Variants in BAZ1B observed in about 807,000 individuals in gnomAD.
The protein encoded by BAZ1B is tyrosine-protein kinase BAZ1B.
Under a neutral mutation model 153.8 loss-of-function variants are expected in BAZ1B, and 22 were observed. The ratio of observed to expected loss-of-function variants is 0.14; its 90% confidence interval spans 0.10 to 0.20. BAZ1B has a LOEUF of 0.20. Ranked by LOEUF, BAZ1B falls within the 10% of genes least tolerant of loss-of-function variation. The probability of loss-of-function intolerance (pLI) is 1.00; values close to 1 mark genes in which losing one functional copy is unlikely to be tolerated. For synonymous variants in BAZ1B, 676 were observed against 633.4 expected, an observed-to-expected ratio of 1.07 and a Z score of -1.01; for missense variants, 1,325 against 1,799.3, an observed-to-expected ratio of 0.74 and a Z score of 4.77.
intron 3 of BAZ1B, among the ~76,000 whole-genome samples, chr7:73,503,361 G>C (rs139493753): frequency 1.3e-5 from 2 of 152,044 alleles, no homozygotes; most frequent in Non-Finnish European, 2.9e-5. Context: ...TACTTCCCTA[G>C]TATCTCTTCC....
intron 10 of BAZ1B, among the ~76,000 whole-genome samples, chr7:73,465,809 C>G (rs375232924): frequency 1.3e-5 from 2 of 152,154 alleles, no homozygotes; most frequent in East Asian, 3.9e-4. Context: ...CCCTTTCCCT[C>G]CAGAGAGTAA....
chr7:73,470,163 C>T (rs1788744109), intron 8 of BAZ1B, among the ~76,000 whole-genome samples, 182 bp downstream of exon 8: 1 of 152,198 alleles, frequency 6.6e-6, no homozygotes, highest in African/African-American at 2.4e-5. Flanking sequence ...ATATGTCTTA[C>T]TTAACTTTGC....
At chr7:73,465,152 C>T (rs1554570997) in intron 11 of BAZ1B, among the ~76,000 whole-genome samples, 1 of 152,164 alleles carries the variant, frequency 6.6e-6, no homozygotes, top group Non-Finnish European at 1.5e-5. Flanking sequence ...CCCATCTGGG[C>T]CTCCATCTGC....
chr7:73,515,687 G>A lies in BAZ1B; in HGVS notation c.108-4835C>T, dbSNP rs1454185051. Among the ~76,000 whole-genome samples the A allele has an allele frequency of 4.6e-5, 7 of 152,040 alleles. No homozygotes were observed. In the East Asian group the frequency reaches 5.8e-4, roughly 13 times the overall value. On this transcript the variant is annotated intron_variant, in intron 1 of 19. Coordinates refer to ENST00000339594, the MANE Select transcript of BAZ1B (RefSeq NM_032408.4). ...CAAGTAATTGGGACCACAGGCAAAC[G>A]CCAGCATGTCCAGCTAATTTTTCTA...
intron 12 of BAZ1B, chr7:73,462,458 T>A (rs781792336): frequency 7.7e-5 from 13 of 169,480 alleles, no homozygotes; most frequent in Non-Finnish European, 1.7e-4. Context: ...CACTTAAGGG[T>A]CCCTCTGAGC....
chr7:73,476,721 TA>T, intron 7 of BAZ1B, 146 bp downstream of exon 7: 2 of 1,326,208 alleles, frequency 1.5e-6, no homozygotes, highest in Non-Finnish European at 2.0e-6. Context: ...ACAGAACTAA[TA>T]AAAAATAAAA....
intron 4 of BAZ1B, among the ~76,000 whole-genome samples, chr7:73,497,874 C>T (rs1344534830): frequency 2.6e-5 from 4 of 152,092 alleles, no homozygotes; most frequent in Admixed American, 2.0e-4. Context: ...CATATTTCCA[C>T]TTCAAGACGA....
At chr7:73,490,764 C>A (rs1789606451) in intron 5 of BAZ1B, among the ~76,000 whole-genome samples, 2 of 151,818 alleles carry the variant, frequency 1.3e-5, no homozygotes, top group Admixed American at 1.3e-4. Flanking sequence ...TGCCACCACG[C>A]CCGGCTAATT....
intron 16 of BAZ1B, 134 bp from the exon 17 acceptor site, chr7:73,444,263 G>A (rs1234739654): frequency 9.6e-7 from 1 of 1,036,540 alleles, no homozygotes; most frequent in Non-Finnish European, 1.4e-6. Context: ...TGGTTTTAAG[G>A]TGCTCTTGCT....
chr7:73,453,544 T>C (rs1471355202), intron 13 of BAZ1B, among the ~76,000 whole-genome samples: 2 of 152,254 alleles, frequency 1.3e-5, no homozygotes, highest in Non-Finnish European at 2.9e-5. Flanking sequence ...GACTCTTCTG[T>C]ATTGAACTTG....
chr7:73,511,724 G>T (rs1790585815), intron 1 of BAZ1B, among the ~76,000 whole-genome samples: 1 of 151,526 alleles, frequency 6.6e-6, no homozygotes, highest in Non-Finnish European at 1.5e-5. Context: ...ACAAGTTTAA[G>T]AGTCAGTCCA....
chr7:73,486,200 G>C, intron 6 of BAZ1B, among the ~76,000 whole-genome samples: 1 of 152,154 alleles, frequency 6.6e-6, no homozygotes, highest in African/African-American at 2.4e-5. Flanking sequence ...AAAGATTTTA[G>C]AAAACCACAA....
chr7:73,487,558 G>GT (rs1278456355), intron 6 of BAZ1B, among the ~76,000 whole-genome samples: 4 of 152,180 alleles, frequency 2.6e-5, no homozygotes, highest in Non-Finnish European at 5.9e-5. Context: ...AAACAGAGCT[G>GT]TAAGATTAGA....
At chr7:73,510,005 T>C (rs1248762561) in intron 2 of BAZ1B, among the ~76,000 whole-genome samples, 1 of 151,530 alleles carries the variant, frequency 6.6e-6, no homozygotes, top group Non-Finnish European at 1.5e-5. Flanking sequence ...TGAGCGCCTG[T>C]AGACCCAGCT....
At chr7:73,486,874 T>C (rs1789431870) in intron 6 of BAZ1B, among the ~76,000 whole-genome samples, 1 of 152,266 alleles carries the variant, frequency 6.6e-6, no homozygotes, top group Admixed American at 6.5e-5. Flanking sequence ...TCATCTGTGT[T>C]ACTATGTTTT....
chr7:73,443,300 T>C (rs782381008), intron 17 of BAZ1B, among the ~76,000 whole-genome samples: 5 of 152,064 alleles, frequency 3.3e-5, no homozygotes, highest in Admixed American at 6.5e-5. Context: ...CCAATTCCCT[T>C]CCTGGGCTCT....
Position 73,465,541 on chromosome 7 carries a change from T to C in BAZ1B, c.2973-4A>G, listed in dbSNP as rs782463784. On this transcript the variant is annotated splice_polypyrimidine_tract_variant and splice_region_variant and intron_variant, in intron 10 of 19. Transcript: ENST00000339594. ...CTTTTGACTATCACATAAAAACCTG[T>C]AGGGGCAAAAGAGACCTGATAACTC... The C allele has an allele frequency of 1.3e-6, 2 of 1,585,018 alleles. No homozygotes were observed. Among genetic ancestry groups the C allele is most frequent in the Non-Finnish European group, 1.7e-6 (2 of 1,163,240 alleles).
At chr7:73,484,572 G>A (rs1554574224) in intron 6 of BAZ1B, among the ~76,000 whole-genome samples, 2 of 151,888 alleles carry the variant, frequency 1.3e-5, no homozygotes, top group African/African-American at 4.8e-5. Context: ...TAAGCCCAGA[G>A]GTCAAGACTG....
chr7:73,477,862 C>T lies in BAZ1B; in HGVS notation c.1599G>A (p.Lys533=). ...QKRYELLEHK[K]RWASMSEEQR... ...GTTCTTCAGACATAGAAGCCCACCT[C>T]TTTTTGTGCTCTAGAAGTTCATAGC... The change falls in exon 7 of 20, where the codon AAG becomes AAA. Residue 533 remains lysine (K), a synonymous_variant. Coordinates refer to ENST00000339594, the MANE Select transcript of BAZ1B (RefSeq NM_032408.4). This position sits in a 1 kb window ranked among gnomAD's most constrained non-coding sequence, Gnocchi z 5.6. 2 of 1,614,002 alleles carry T rather than the reference C, an allele frequency of 1.2e-6. No individual in the cohort carries two copies. Among genetic ancestry groups the T allele is most frequent in the Non-Finnish European group, 1.7e-6 (2 of 1,180,008 alleles).
Sources: gnomAD v4.1 joint callset for allele counts (sites outside exome capture counted in the v4.1 genomes callset) on GRCh38, gnomAD v4.1.1 for gene constraint, Gnocchi (gnomAD v3.1) non-coding constraint, MANE v1.5 for transcripts, NCBI Gene and HGNC (gene_info 2026-07-23, HGNC 2026-07-21) for gene names.